The following AGPAT5 variants were observed in gnomAD, a reference collection of about 807,000 sequenced individuals.
The protein encoded by AGPAT5 is 1-acylglycerol-3-phosphate O-acyltransferase 5, also known as 1-acyl-sn-glycerol-3-phosphate acyltransferase epsilon.
Under a neutral mutation model 45.6 loss-of-function variants are expected in AGPAT5, and 46 were observed. The observed-to-expected ratio is 1.01, with a 90% confidence interval of 0.80 to 1.29. AGPAT5 has a LOEUF of 1.29. AGPAT5 is among the 50% of genes most tolerant of loss of function. The probability of loss-of-function intolerance (pLI) is 0.00; values close to 1 mark genes in which losing one functional copy is unlikely to be tolerated. For missense variants in AGPAT5, 673 were observed against 450.7 expected, an observed-to-expected ratio of 1.49 and a Z score of -4.47; for synonymous variants, 272 against 167.0, an observed-to-expected ratio of 1.63 and a Z score of -4.85.
intron 5 of AGPAT5, among the ~76,000 whole-genome samples, chr8:6,747,069 T>A (rs1801496587): frequency 6.6e-6 from 1 of 152,274 alleles, no homozygotes; most frequent in African/African-American, 2.4e-5. Flanking sequence ...ATGCAATTCC[T>A]ATGAATGTTC....
intron 4 of AGPAT5, among the ~76,000 whole-genome samples, chr8:6,740,879 A>T (rs1241807887): frequency 6.6e-6 from 1 of 152,094 alleles, no homozygotes; most frequent in African/African-American, 2.4e-5. Flanking sequence ...ATTTGAAAAG[A>T]TTTGGTGTGC....
chr8:6,721,926 CA>C (rs1246557076), intron 1 of AGPAT5, among the ~76,000 whole-genome samples: 1 of 151,956 alleles, frequency 6.6e-6, no homozygotes, highest in Non-Finnish European at 1.5e-5. Context: ...CTCCTGAAGC[CA>C]AGCGATTCTT....
chr8:6,718,711 G>C (rs1196817876), intron 1 of AGPAT5, among the ~76,000 whole-genome samples: 1 of 152,168 alleles, frequency 6.6e-6, no homozygotes, highest in Admixed American at 6.5e-5. Context: ...TGATACTGCT[G>C]CCCTTTTAGC....
At chr8:6,750,113 C>G (rs2911971) in intron 6 of AGPAT5, among the ~76,000 whole-genome samples, 109,583 of 152,218 alleles carry the variant, frequency 0.72, 40,960 homozygotes, top group African/African-American at 0.92. Flanking sequence ...TGTTCTCCCA[C>G]AGTGACAGGC....
intron 6 of AGPAT5, among the ~76,000 whole-genome samples, chr8:6,752,752 T>C (rs1801699426): frequency 6.6e-6 from 1 of 152,258 alleles, no homozygotes; most frequent in South Asian, 2.1e-4. Flanking sequence ...TTTTTACTCA[T>C]GTAACATGAA....
intron 1 of AGPAT5, among the ~76,000 whole-genome samples, chr8:6,716,285 G>C (rs112546082): frequency 8.5e-5 from 13 of 152,064 alleles, no homozygotes; most frequent in Non-Finnish European, 1.5e-4. Context: ...GTCTGGGCAC[G>C]GTGTGGCTCA....
chr8:6,730,116 G>A (rs1467649145), intron 2 of AGPAT5, among the ~76,000 whole-genome samples: 4 of 151,234 alleles, frequency 2.6e-5, no homozygotes, highest in Non-Finnish European at 5.9e-5. Context: ...TTGTTTTCTA[G>A]ACTTTAGGAT....
intron 6 of AGPAT5, among the ~76,000 whole-genome samples, chr8:6,750,123 C>T (rs1466907535): frequency 1.3e-5 from 2 of 152,238 alleles, no homozygotes; most frequent in East Asian, 1.9e-4. Context: ...CAGTGACAGG[C>T]GGCACCTTTC....
intron 4 of AGPAT5, chr8:6,738,572 A>G (rs1439250231): frequency 6.6e-6 from 1 of 152,216 alleles, no homozygotes; most frequent in African/African-American, 2.4e-5. Flanking sequence ...CTGTTGGAAA[A>G]ATGGCACCAA....
intron 2 of AGPAT5, among the ~76,000 whole-genome samples, chr8:6,728,540 C>T (rs1302372082): frequency 1.3e-5 from 2 of 152,202 alleles, no homozygotes; most frequent in African/African-American, 4.8e-5. Context: ...TACACTTTCT[C>T]TTAAAAGTTC....
rs1044272796 is a variant in AGPAT5 at position 6,760,385 on chromosome 8, G to A, written c.*2997G>A. On this transcript the variant is annotated 3_prime_UTR_variant, in exon 8 of 8. Transcript: ENST00000285518. Reference sequence around the variant, plus strand: ...TGCACTACAGCCTAGGTAACAGCACGAGACCCCAACTCTTAGAAAATGAAA... The same window carrying A: ...TGCACTACAGCCTAGGTAACAGCACAAGACCCCAACTCTTAGAAAATGAAA... 1.3e-5 allele frequency among the ~76,000 whole-genome samples: 2 copies of A among 152,004 alleles called. No homozygotes were observed. Among genetic ancestry groups the A allele is most frequent in the Admixed American group, 6.6e-5 (1 of 15,266 alleles).
intron 4 of AGPAT5, among the ~76,000 whole-genome samples, chr8:6,736,935 T>C (rs1183054260): frequency 6.6e-6 from 1 of 152,366 alleles, no homozygotes; most frequent in East Asian, 1.9e-4. Context: ...AAGTTCTGTT[T>C]TATGCTTACT....
rs776513670 is a variant in AGPAT5, at chr8:6,730,820, T to C, written c.399T>C (p.Phe133=). The C allele has an allele frequency of 1.9e-6, 3 of 1,610,086 alleles. No individual in the cohort carries two copies. The highest frequency in any genetic ancestry group is 2.5e-6 in the Non-Finnish European group (3 of 1,176,848). ...LKWLPLYGCY[F]AQHGGIYVKR... The stretch of plus-strand genomic sequence containing the variant: ...GGCTGCCATTGTATGGGTGTTACTT[T>C]GCTCAGGTAACTTGTTTCCATGCTT... The change falls in exon 3 of 8, where the codon TTT becomes TTC. Residue 133 remains phenylalanine, a synonymous_variant. Transcript: ENST00000285518.
intron 3 of AGPAT5, among the ~76,000 whole-genome samples, chr8:6,731,554 CAT>C (rs1287738392): frequency 6.6e-6 from 1 of 151,826 alleles, no homozygotes; most frequent in Non-Finnish European, 1.5e-5. Flanking sequence ...TATTTGTTCA[CAT>C]ATTTTTGATC....
At position 6,708,672 on chromosome 8, in the gene AGPAT5, C is replaced by T. The variant is rs752383541; in HGVS notation, c.4C>T (p.Leu2=). 2.5e-6 allele frequency: 4 copies of T among 1,585,158 alleles called. No homozygotes were observed. Among genetic ancestry groups the T allele is most frequent in the South Asian group, 1.1e-5 (1 of 89,196 alleles). Residue 2 remains leucine (L), a synonymous_variant, in exon 1 of 8, where the codon CTG becomes TTG. Transcript: ENST00000285518. M[L]LSLVLHTYSM... Reference sequence around the variant, plus strand: ...TCGCTGCCGCCGAGCTGAGAAGATGCTGCTGTCCCTGGTGCTCCACACGTA... The same window carrying T: ...TCGCTGCCGCCGAGCTGAGAAGATGTTGCTGTCCCTGGTGCTCCACACGTA...
At chr8:6,732,076 G>C (rs1431187951) in intron 3 of AGPAT5, among the ~76,000 whole-genome samples, 1 of 152,280 alleles carries the variant, frequency 6.6e-6, no homozygotes, top group East Asian at 1.9e-4. Flanking sequence ...GGAACTATTA[G>C]GGCTTTAGTA....
intron 1 of AGPAT5, among the ~76,000 whole-genome samples, chr8:6,722,771 G>C (rs1049550053): frequency 6.6e-6 from 1 of 152,180 alleles, no homozygotes; most frequent in African/African-American, 2.4e-5. Flanking sequence ...TTGTGATGAA[G>C]ATAGTTATTC....
At chr8:6,726,043 A>G (rs1334659492) in intron 2 of AGPAT5, among the ~76,000 whole-genome samples, 1 of 152,254 alleles carries the variant, frequency 6.6e-6, no homozygotes, top group Non-Finnish European at 1.5e-5. Flanking sequence ...AGGGGTTGAT[A>G]GGAATCTTGA....
intron 6 of AGPAT5, among the ~76,000 whole-genome samples, chr8:6,751,907 A>G (rs1448243570): frequency 1.3e-5 from 2 of 152,186 alleles, no homozygotes; most frequent in African/African-American, 4.8e-5. Flanking sequence ...GGCCGGGCAC[A>G]GTGGCTCACG....
Sources: allele counts gnomAD v4.1 joint callset (sites outside exome capture counted in the v4.1 genomes callset), GRCh38; gene constraint gnomAD v4.1.1; transcripts MANE v1.5; gene names NCBI Gene and HGNC (gene_info 2026-07-23, HGNC 2026-07-21).